Variants in LRCH1 observed in about 807,000 individuals in gnomAD.
LRCH1 encodes leucine rich repeats and calponin homology domain containing 1, also known as leucine-rich repeat and calponin homology domain-containing protein 1.
A neutral mutation model predicts 94.9 loss-of-function variants in LRCH1; 23 were observed. That is an observed-to-expected ratio of 0.24 (90% CI 0.17 to 0.34). The LOEUF is 0.34. LRCH1 is among the 10% of genes least tolerant of loss of function. The pLI is 1.00. For missense variants in LRCH1, 790 were observed against 945.9 expected (o/e 0.84, Z 2.16); for synonymous variants, 364 against 354.9 (o/e 1.03, Z -0.29).
At chr13:46,699,707 T>C (rs1432737192) in intron 10 of LRCH1, among the ~76,000 whole-genome samples, 1 of 152,192 alleles carries the variant, frequency 6.6e-6, no homozygotes, top group Non-Finnish European at 1.5e-5. Flanking sequence ...TACAATTGCC[T>C]GAAGAAGCCA....
intron 1 of LRCH1, among the ~76,000 whole-genome samples, chr13:46,602,305 G>A (rs568612843): frequency 3.2e-4 from 49 of 152,326 alleles, no homozygotes; most frequent in African/African-American, 1.2e-3. Context: ...AAATTTAAGT[G>A]AGTTTCCTGG....
chr13:46,709,072 G>A (rs1871925131), intron 13 of LRCH1, among the ~76,000 whole-genome samples: 1 of 152,170 alleles, frequency 6.6e-6, no homozygotes, highest in Non-Finnish European at 1.5e-5. Context: ...ACTGATAGCT[G>A]CAAACACTCC....
At chr13:46,752,976 T>G (rs1025329442) in exon 19 of LRCH1, 2 of 152,252 alleles carry the variant, frequency 1.3e-5, no homozygotes, top group East Asian at 1.9e-4. Flanking sequence ...GTGGACAGAA[T>G]GTATATAGTG....
At chr13:46,626,063 C>T (rs573819970) in intron 1 of LRCH1, among the ~76,000 whole-genome samples, 9 of 152,204 alleles carry the variant, frequency 5.9e-5, no homozygotes, top group East Asian at 1.9e-4. Context: ...GGAGTTGTGG[C>T]GTGAAACCAC....
intron 19 of LRCH1, among the ~76,000 whole-genome samples, chr13:46,736,877 T>G (rs1360688267): frequency 6.6e-6 from 1 of 152,216 alleles, no homozygotes; most frequent in Non-Finnish European, 1.5e-5. Context: ...AGCCTAAAAT[T>G]TTTTGTCCTA....
At chr13:46,598,323 C>G (rs1035261357) in intron 1 of LRCH1, among the ~76,000 whole-genome samples, 2 of 151,336 alleles carry the variant, frequency 1.3e-5, no homozygotes, top group Admixed American at 1.3e-4. Flanking sequence ...TTGTCTGGCC[C>G]TCTTGCAGCC....
intron 1 of LRCH1, among the ~76,000 whole-genome samples, chr13:46,600,111 C>T (rs968467495): frequency 6.6e-6 from 1 of 152,190 alleles, no homozygotes; most frequent in Admixed American, 6.5e-5. Flanking sequence ...GTCTTGAACT[C>T]CTGGCCTCAG....
intron 2 of LRCH1, among the ~76,000 whole-genome samples, chr13:46,650,610 A>G (rs762432913): frequency 6.6e-6 from 1 of 151,638 alleles, no homozygotes; most frequent in Non-Finnish European, 1.5e-5. Context: ...CTCTTTGTCT[A>G]ATTGGCATTT....
At chr13:46,576,458 C>T (rs1356488658) in intron 1 of LRCH1, among the ~76,000 whole-genome samples, 3 of 152,200 alleles carry the variant, frequency 2.0e-5, no homozygotes, top group Non-Finnish European at 4.4e-5. Flanking sequence ...AATAATTGCG[C>T]TCCCTATGCC....
intron 17 of LRCH1, among the ~76,000 whole-genome samples, chr13:46,726,658 G>T (rs1390103720): frequency 6.6e-6 from 1 of 152,006 alleles, no homozygotes; most frequent in African/African-American, 2.4e-5. Flanking sequence ...CATCCCCACT[G>T]GTCAGTAAGG....
At chr13:46,609,231 G>T (rs1337124759) in intron 1 of LRCH1, among the ~76,000 whole-genome samples, 2 of 152,194 alleles carry the variant, frequency 1.3e-5, no homozygotes, top group Non-Finnish European at 2.9e-5. Context: ...GAAGCACTAG[G>T]CCCATATGCC....
rs1872669763 is a variant in LRCH1 at position 46,723,303 on chromosome 13, G to A, written c.1842G>A (p.Glu614=). The A allele has an allele frequency of 3.7e-6, 6 of 1,613,200 alleles. No individual in the cohort carries two copies. In the East Asian group the frequency reaches 1.1e-4, roughly 30 times the overall value. The change falls in exon 17 of 20, where the codon GAG becomes GAA. Residue 614 remains glutamate (E), a synonymous_variant. Coordinates refer to ENST00000389797, the MANE Select transcript of LRCH1 (RefSeq NM_001164211.2). ...IRRKMEQMRE[E]KELVEQLRES... ...GGAAAATGGAGCAGATGAGAGAAGA[G>A]AAAGAGCTGGTGGAACAACTTCGTG...
intron 1 of LRCH1, among the ~76,000 whole-genome samples, chr13:46,555,767 G>A (rs945959205): frequency 6.6e-6 from 1 of 152,196 alleles, no homozygotes; most frequent in Non-Finnish European, 1.5e-5. Context: ...ATTCATTGCA[G>A]CTAGTTATTT....
chr13:46,676,179 T>C (rs947686228), intron 3 of LRCH1, among the ~76,000 whole-genome samples: 3 of 151,708 alleles, frequency 2.0e-5, no homozygotes, highest in Admixed American at 6.6e-5. Flanking sequence ...GAGAATCGCT[T>C]GAACCTGGGA....
intron 4 of LRCH1, among the ~76,000 whole-genome samples, chr13:46,683,928 T>C (rs1410411430): frequency 2.0e-5 from 3 of 152,068 alleles, no homozygotes; most frequent in Admixed American, 6.5e-5. Context: ...CAAAAGACCA[T>C]TGAAAATACT....
chr13:46,596,125 A>T (rs2050560238), intron 1 of LRCH1, among the ~76,000 whole-genome samples: 1 of 152,186 alleles, frequency 6.6e-6, no homozygotes, highest in Admixed American at 6.5e-5. Flanking sequence ...TGAGGTTTGG[A>T]TGGTTATCAT....
rs551640977 is a variant in LRCH1 at position 46,594,218 on chromosome 13, C to T, written c.307+40515C>T. On this transcript the variant is annotated intron_variant, in intron 1 of 19. Coordinates refer to ENST00000389797, the MANE Select transcript of LRCH1 (RefSeq NM_001164211.2). ...TCTTACCCATGTTCTTACTGTTTTG[C>T]CTGGACTCCTCTTTTAATCTCAGTG... Among the ~76,000 whole-genome samples, 36 of 150,990 alleles carry T rather than the reference C, an allele frequency of 2.4e-4. No individual in the cohort carries two copies. The South Asian group carries it at 5.9e-3, about 25-fold the overall frequency.
intron 1 of LRCH1, among the ~76,000 whole-genome samples, chr13:46,635,338 C>T (rs1205680211): frequency 2.0e-5 from 3 of 152,204 alleles, no homozygotes; most frequent in South Asian, 2.1e-4. Context: ...GAAAGAGCTT[C>T]CCTGTGTACC....
chr13:46,607,799 G>C (rs1045193537), intron 1 of LRCH1, among the ~76,000 whole-genome samples: 1 of 151,162 alleles, frequency 6.6e-6, no homozygotes, highest in Non-Finnish European at 1.5e-5. Flanking sequence ...ACTTCCTGGC[G>C]AGTGAGGGGT....
Sources: gnomAD v4.1 joint callset for allele counts (sites outside exome capture counted in the v4.1 genomes callset) on GRCh38, gnomAD v4.1.1 for gene constraint, MANE v1.5 for transcripts, NCBI Gene and HGNC (gene_info 2026-07-23, HGNC 2026-07-21) for gene names.